CEP152: variants seen among roughly 807,000 people sequenced by gnomAD.
The protein encoded by CEP152 is centrosomal protein 152, also known as centrosomal protein of 152 kDa.
CEP152 carries 132 observed loss-of-function variants against 188.9 expected under a neutral mutation model. The observed-to-expected ratio is 0.70, with a 90% confidence interval of 0.61 to 0.81. The LOEUF is 0.81. CEP152 is among the 30% of genes least tolerant of loss of function. The pLI, the probability that CEP152 is intolerant of heterozygous loss-of-function variation, is 0.00. For synonymous variants in CEP152, 649 were observed against 666.6 expected, an observed-to-expected ratio of 0.97 and a Z score of 0.41; for missense variants, 1,914 against 1,969.8, an observed-to-expected ratio of 0.97 and a Z score of 0.54.
intron 2 of CEP152, among the ~76,000 whole-genome samples, chr15:48,798,600 T>C (rs956004358): frequency 1.3e-5 from 2 of 152,136 alleles, no homozygotes; most frequent in African/African-American, 4.8e-5. Context: ...ATTCCAAAGA[T>C]GAAAAGATAC....
At chr15:48,783,804 T>C (rs1240499499) in intron 10 of CEP152, 169 bp downstream of exon 10, 2 of 262,678 alleles carry the variant, frequency 7.6e-6, no homozygotes, top group Admixed American at 4.9e-5. Context: ...TATATATATA[T>C]ATGCCTTCTG....
intron 7 of CEP152, among the ~76,000 whole-genome samples, chr15:48,791,920 T>C (rs563736426): frequency 2.0e-5 from 3 of 152,254 alleles, no homozygotes; most frequent in East Asian, 1.9e-4. Context: ...AAAACTATTA[T>C]TGCATCCCTT....
intron 2 of CEP152, among the ~76,000 whole-genome samples, chr15:48,800,273 A>C (rs1734073273): frequency 6.6e-6 from 1 of 152,230 alleles, no homozygotes; most frequent in African/African-American, 2.4e-5. Context: ...CTAACATTTT[A>C]AAATTGATCT....
intron 2 of CEP152, 21 bp from the exon 3 acceptor site, chr15:48,798,072 C>G: frequency 6.3e-7 from 1 of 1,592,192 alleles, no homozygotes. Flanking sequence ...AGGTCTGCAT[C>G]AATATCATAC....
chr15:48,740,992 A>T lies in CEP152; in HGVS notation c.4093+609T>A, dbSNP rs948774586. ...TTCTCCTGGAACATATCACCCTCAT[A>T]TGTGGAACAGTTTTGATATTGCTCC... On this transcript the variant is annotated intron_variant, in intron 26 of 26. Coordinates refer to ENST00000380950, the MANE Select transcript of CEP152 (RefSeq NM_001194998.2). 6 of 970,214 alleles carry T rather than the reference A, an allele frequency of 6.2e-6. No individual in the cohort carries two copies. The African/African-American group carries it at 8.8e-5, about 14-fold the overall frequency. 60.1% of individuals were successfully genotyped at this position (970,214 alleles called of 1,614,324 possible). A position where few individuals can be genotyped will look rare whatever the true frequency, so the allele number is the denominator to read the frequency against.
At chr15:48,752,240 G>A (rs1386234293) in intron 21 of CEP152, 109 bp downstream of exon 21, 4 of 1,576,688 alleles carry the variant, frequency 2.5e-6, no homozygotes, top group Admixed American at 1.7e-5. Context: ...TAAGTCAGAC[G>A]ATTATTACCC....
chr15:48,773,035 T>C (rs1421031631), intron 12 of CEP152, among the ~76,000 whole-genome samples: 1 of 152,124 alleles, frequency 6.6e-6, no homozygotes, highest in Non-Finnish European at 1.5e-5. Context: ...AGAAACAACA[T>C]AAATATTAAG....
chr15:48,796,325 T>C lies in CEP152; in HGVS notation c.541-165A>G, dbSNP rs192976524. 5.8e-3 allele frequency among the ~76,000 whole-genome samples: 820 copies of C among 142,104 alleles called. 7 individuals are homozygous for C. Among genetic ancestry groups the C allele is most frequent in the Admixed American group, 0.016 (233 of 14,328 alleles). 93.2% of individuals were successfully genotyped at this position (142,104 alleles called of 152,430 possible). A position where few individuals can be genotyped will look rare whatever the true frequency, so the allele number is the denominator to read the frequency against. ...ACACACACACACACACACACACACA[T>C]ATATATATCTGCTCAAAAGTAGCAC... On this transcript the variant is annotated intron_variant, in intron 5 of 26. Transcript: ENST00000380950.
chr15:48,757,506 C>T (rs931182390), intron 19 of CEP152, among the ~76,000 whole-genome samples: 1 of 152,188 alleles, frequency 6.6e-6, no homozygotes, highest in African/African-American at 2.4e-5. Context: ...AACATCTTCA[C>T]CTATATAAAG....
chr15:48,760,127 G>T lies in CEP152; in HGVS notation c.2694+8C>A. The T allele has an allele frequency of 6.2e-7, 1 of 1,613,882 alleles. No individual in the cohort carries two copies. Among genetic ancestry groups the T allele is most frequent in the Non-Finnish European group, 8.5e-7 (1 of 1,179,848 alleles). On this transcript the variant is annotated splice_region_variant and intron_variant, in intron 19 of 26. Coordinates refer to ENST00000380950, the MANE Select transcript of CEP152 (RefSeq NM_001194998.2). The stretch of plus-strand genomic sequence containing the variant: ...CCTCCTGAAGTGTCTTTGCAGAAGA[G>T]CTCTTACCCTTTTGTTCACAGAGAC...
In CEP152 at chr15:48,810,773, T is replaced by C. The variant is rs372416163; in HGVS notation, c.-8+188A>G. On this transcript the variant is annotated intron_variant, in intron 1 of 26. Transcript: ENST00000380950. ...CCATATGTCACTTCTAAGTAGGATA[T>C]TGGAGGAATGAAGAGGTCTAAATGA... The C allele has an allele frequency of 2.6e-5, 4 of 152,196 alleles. No homozygotes were observed. The East Asian group carries it at 7.7e-4, about 29-fold the overall frequency. The allele number at this position is 152,196 out of a possible 1,614,324, so 9.4% of individuals were successfully genotyped here.
intron 21 of CEP152, among the ~76,000 whole-genome samples, chr15:48,749,837 GA>G (rs199631011): frequency 0.015 from 2,229 of 145,574 alleles, 50 homozygotes; most frequent in East Asian, 0.09. Flanking sequence ...TACTGGAAGA[GA>G]AAAAAAAAAT....
chr15:48,786,043 A>T (rs887698099), intron 9 of CEP152, among the ~76,000 whole-genome samples: 4 of 151,736 alleles, frequency 2.6e-5, no homozygotes, highest in Non-Finnish European at 5.9e-5. Flanking sequence ...AGTCTGTGGG[A>T]GTCTCTAAGC....
At chr15:48,790,653 G>A (rs1405490178) in intron 8 of CEP152, among the ~76,000 whole-genome samples, 1 of 151,952 alleles carries the variant, frequency 6.6e-6, no homozygotes, top group Non-Finnish European at 1.5e-5. Flanking sequence ...TGCAACCTCC[G>A]CCTCCTGGGT....
Position 48,788,996 on chromosome 15 carries a change from G to A in CEP152, c.978C>T (p.Ile326=). The A allele has an allele frequency of 6.2e-7, 1 of 1,613,722 alleles. No individual in the cohort carries two copies. The highest frequency in any genetic ancestry group is 2.2e-5 in the East Asian group (1 of 44,878). Residue 326 remains isoleucine (I), a synonymous_variant, in exon 9 of 27, where the codon ATC becomes ATT. Transcript: ENST00000380950. Reference sequence around the variant, plus strand: ...CCATTTCAGTTGTTCTGGACTTCTTGATCATCTAGTAAATACACACAGGAT... The same window carrying A: ...CCATTTCAGTTGTTCTGGACTTCTTAATCATCTAGTAAATACACACAGGAT... The part of the protein sequence containing the change: ...QALKVNEEQM[I]KKSRTTEMAL...
intron 17 of CEP152, among the ~76,000 whole-genome samples, chr15:48,766,366 G>A (rs1895093083): frequency 6.6e-6 from 1 of 152,230 alleles, no homozygotes; most frequent in African/African-American, 2.4e-5. Flanking sequence ...TCCAAAGTGT[G>A]AAGGACAGTC....
chr15:48,766,910 GAGCTA>G (rs1323866020), intron 17 of CEP152, 145 bp downstream of exon 17: 1 of 917,802 alleles, frequency 1.1e-6, no homozygotes, highest in African/African-American at 1.6e-5. Context: ...TTTTATTTGT[GAGCTA>G]TATGAGTGTG....
chr15:48,801,964 G>A (rs973371960), intron 2 of CEP152, among the ~76,000 whole-genome samples: 5 of 152,204 alleles, frequency 3.3e-5, no homozygotes, highest in African/African-American at 4.8e-5. Context: ...AGGCATGGTG[G>A]TGCATGCCTC....
intron 13 of CEP152, among the ~76,000 whole-genome samples, chr15:48,770,345 G>A (rs982011525): frequency 6.6e-6 from 1 of 151,840 alleles, no homozygotes; most frequent in Non-Finnish European, 1.5e-5. Context: ...TAGAGTAGCT[G>A]GACAAAAAGA....
Sources: gnomAD v4.1 joint callset for allele counts (sites outside exome capture counted in the v4.1 genomes callset) on GRCh38, gnomAD v4.1.1 for gene constraint, MANE v1.5 for transcripts, NCBI Gene and HGNC (gene_info 2026-07-23, HGNC 2026-07-21) for gene names.